The following PCDHA8 variants were observed in gnomAD, a reference collection of about 807,000 sequenced individuals.
PCDHA8 encodes the protein protocadherin alpha 8.
In PCDHA8, 53 loss-of-function variants were observed where a neutral mutation model predicts 61.8. The ratio of observed to expected loss-of-function variants is 0.86; its 90% CI spans 0.69 to 1.08. PCDHA8 has a LOEUF of 1.08. Among genes scored for constraint, PCDHA8 ranks in the 50% least tolerant of loss-of-function variants. The pLI, the probability that PCDHA8 is intolerant of heterozygous loss-of-function variation, is 0.00. For missense variants in PCDHA8, 1,293 were observed against 1,245.0 expected (o/e 1.04, Z -0.58); for synonymous variants, 618 against 556.6 (o/e 1.11, Z -1.55).
intron 3 of PCDHA8, among the ~76,000 whole-genome samples, chr5:140,987,901 T>C (rs1554249667): frequency 6.6e-6 from 1 of 152,180 alleles, no homozygotes. Context: ...TAGTTTTATA[T>C]GGGGATTTAT....
chr5:140,875,485 G>C (rs367652529), intron 1 of PCDHA8: 10 of 1,611,542 alleles, frequency 6.2e-6, no homozygotes, highest in Non-Finnish European at 7.6e-6. Context: ...GGTGATTATC[G>C]GACCAAGAGG....
At chr5:140,917,259 T>C (rs1246984274) in intron 1 of PCDHA8, among the ~76,000 whole-genome samples, 2 of 151,338 alleles carry the variant, frequency 1.3e-5, no homozygotes, top group East Asian at 3.9e-4. Flanking sequence ...GCTCACCTGA[T>C]GTTTGGTTTT....
intron 1 of PCDHA8, among the ~76,000 whole-genome samples, chr5:140,933,263 A>G (rs1374246908): frequency 6.6e-6 from 1 of 151,986 alleles, no homozygotes; most frequent in Non-Finnish European, 1.5e-5. Context: ...AAAGGTTATT[A>G]TATATTCATT....
intron 1 of PCDHA8, among the ~76,000 whole-genome samples, chr5:140,946,338 A>T (rs1042874038): frequency 6.6e-6 from 1 of 151,824 alleles, no homozygotes; most frequent in Non-Finnish European, 1.5e-5. Flanking sequence ...ATAACAAGTG[A>T]TGGAGAGGAT....
intron 1 of PCDHA8, chr5:140,857,068 G>A (rs2044345750): frequency 1.3e-6 from 2 of 1,596,170 alleles, no homozygotes; most frequent in Admixed American, 3.4e-5. Context: ...TGGAACTACT[G>A]GATGAAAATG....
chr5:140,962,855 G>A (rs556272423), intron 1 of PCDHA8, among the ~76,000 whole-genome samples: 286 of 152,196 alleles, frequency 1.9e-3, no homozygotes, highest in Admixed American at 3.8e-3. Context: ...CTTGTGCTCG[G>A]TTTGTAGAGC....
At chr5:140,928,326 C>T (rs1554205788) in intron 1 of PCDHA8, 1 of 1,614,162 alleles carries the variant, frequency 6.2e-7, no homozygotes, top group Non-Finnish European at 8.5e-7. Context: ...GGAAGAATGG[C>T]CTTGTCTCTT....
At chr5:140,910,482 C>T (rs1439012617) in intron 1 of PCDHA8, among the ~76,000 whole-genome samples, 3 of 152,178 alleles carry the variant, frequency 2.0e-5, no homozygotes, top group African/African-American at 7.2e-5. Flanking sequence ...ATCTGGCATA[C>T]AGAGAAGAGC....
At chr5:140,881,953 T>G in intron 1 of PCDHA8, 1 of 335,146 alleles carries the variant, frequency 3.0e-6, no homozygotes, top group Non-Finnish European at 5.4e-6. Context: ...AAGGTAAACA[T>G]TTAATCTTCA....
At chr5:140,911,449 C>G (rs1554194734) in intron 1 of PCDHA8, among the ~76,000 whole-genome samples, 1 of 152,116 alleles carries the variant, frequency 6.6e-6, no homozygotes, top group Non-Finnish European at 1.5e-5. Context: ...AATTTCAGCT[C>G]TTTCTCTACA....
intron 1 of PCDHA8, among the ~76,000 whole-genome samples, chr5:140,881,723 A>G (rs2058808704): frequency 6.6e-6 from 1 of 152,172 alleles, no homozygotes; most frequent in South Asian, 2.1e-4. Flanking sequence ...GGAGGTCTTG[A>G]AAAATATTAC....
chr5:140,966,930 G>A (rs1554228913), intron 1 of PCDHA8: 1 of 1,603,704 alleles, frequency 6.2e-7, no homozygotes, highest in Middle Eastern at 1.7e-4. Flanking sequence ...CAGGCACCCG[G>A]CGCGCTCGTG....
intron 3 of PCDHA8, 34 bp from the exon 4 acceptor site, chr5:141,009,593 C>G: frequency 6.2e-7 from 1 of 1,602,020 alleles, no homozygotes; most frequent in South Asian, 1.1e-5. Flanking sequence ...CATGTGTTGA[C>G]CCTGTTAATG....
intron 1 of PCDHA8, among the ~76,000 whole-genome samples, chr5:140,943,341 G>T (rs1021651625): frequency 5.3e-5 from 8 of 151,780 alleles, no homozygotes; most frequent in African/African-American, 1.9e-4. Context: ...CATTGGACAG[G>T]ATGAGAGTAG....
At chr5:140,980,704 G>T (rs2153822525) in intron 2 of PCDHA8, among the ~76,000 whole-genome samples, 1 of 151,890 alleles carries the variant, frequency 6.6e-6, no homozygotes, top group East Asian at 1.9e-4. Context: ...AGCCAAATGT[G>T]CTCCTATTCG....
rs1209791227 is a variant in PCDHA8, at chr5:140,923,921, C to A, written c.2395-55028C>A. Among the ~76,000 whole-genome samples, 3 of 152,180 alleles carry A rather than the reference C, an allele frequency of 2.0e-5. No individual in the cohort carries two copies. The East Asian group carries it at 5.8e-4, about 29-fold the overall frequency. On this transcript the variant is annotated intron_variant, in intron 1 of 3. Transcript: ENST00000531613. ...TTCTGTGAAGATTTCCCATACTGTT[C>A]TCTGTATGCATTTTTCCTTTTTTCC...
chr5:140,857,724 A>G (rs1277501257), intron 1 of PCDHA8: 1 of 1,597,434 alleles, frequency 6.3e-7, no homozygotes, highest in Admixed American at 1.7e-5. Context: ...GACGAGAACG[A>G]CAACGCTCCC....
intron 1 of PCDHA8, chr5:140,876,869 A>G: frequency 1.9e-6 from 3 of 1,614,030 alleles, no homozygotes; most frequent in Non-Finnish European, 2.5e-6. Flanking sequence ...TTCGTGAAGG[A>G]GAACAACCCG....
chr5:140,869,828 T>G, intron 1 of PCDHA8: 2 of 1,611,962 alleles, frequency 1.2e-6, no homozygotes, highest in South Asian at 2.2e-5. Context: ...GATCCAGAGT[T>G]TGATAAATCA....
Sources: gnomAD v4.1 joint callset for allele counts (sites outside exome capture counted in the v4.1 genomes callset) on GRCh38, gnomAD v4.1.1 for gene constraint, MANE v1.5 for transcripts, NCBI Gene and HGNC (gene_info 2026-07-23, HGNC 2026-07-21) for gene names.